NTRK2: variants seen among roughly 807,000 people sequenced by gnomAD.
NTRK2 encodes neurotrophic receptor tyrosine kinase 2.
In NTRK2, 13 loss-of-function variants were observed where a neutral mutation model predicts 94.5. That is an observed-to-expected ratio of 0.14 (90% CI 0.09 to 0.22). The LOEUF (loss-of-function observed/expected upper bound fraction) is 0.22. NTRK2 is among the 10% of genes least tolerant of loss of function. NTRK2 has a pLI of 1.00. For synonymous variants in NTRK2, 372 were observed against 407.4 expected, an observed-to-expected ratio of 0.91 and a Z score of 1.05; for missense variants, 639 against 1,071.2, an observed-to-expected ratio of 0.60 and a Z score of 5.63.
At chr9:84,675,879 T>C (rs1300806189) in intron 2 of NTRK2, among the ~76,000 whole-genome samples, 1 of 152,162 alleles carries the variant, frequency 6.6e-6, no homozygotes, top group Non-Finnish European at 1.5e-5. Flanking sequence ...CCCATATAAC[T>C]GGGTGCCTTC....
At chr9:84,703,133 A>T (rs886134502) in intron 4 of NTRK2, among the ~76,000 whole-genome samples, 1 of 152,192 alleles carries the variant, frequency 6.6e-6, no homozygotes, top group Non-Finnish European at 1.5e-5. Flanking sequence ...TAAGTGCAGA[A>T]TATTTATGCA....
chr9:84,898,605 T>C (rs2076831802), intron 14 of NTRK2, among the ~76,000 whole-genome samples: 2 of 152,172 alleles, frequency 1.3e-5, no homozygotes, highest in Non-Finnish European at 2.9e-5. Context: ...CCAGGGATTG[T>C]TGTGGCTCCT....
chr9:84,697,847 C>A (rs936440478), intron 2 of NTRK2, among the ~76,000 whole-genome samples: 2 of 152,184 alleles, frequency 1.3e-5, no homozygotes, highest in African/African-American at 4.8e-5. Flanking sequence ...TCCACTGAGT[C>A]ACTGAGAAAC....
At chr9:84,830,538 C>CGTGTGTGTGTGTGT (rs60042932) in intron 12 of NTRK2, among the ~76,000 whole-genome samples, 1 of 145,920 alleles carries the variant, frequency 6.9e-6, no homozygotes, top group African/African-American at 2.5e-5. Flanking sequence ...AGCATGCATG[C>CGTGTGTGTGTGTGT]GTGTGTGTGT....
intron 12 of NTRK2, among the ~76,000 whole-genome samples, chr9:84,768,029 G>A (rs1201116648): frequency 6.6e-6 from 1 of 152,128 alleles, no homozygotes; most frequent in South Asian, 2.1e-4. Context: ...GGAAAATAAG[G>A]GCTATAGTCT....
intron 13 of NTRK2, among the ~76,000 whole-genome samples, chr9:84,862,487 T>C (rs985652518): frequency 2.0e-5 from 3 of 152,206 alleles, no homozygotes; most frequent in African/African-American, 7.2e-5. Context: ...AGGGTGCTTG[T>C]TCCCGGAAAG....
At position 84,962,133 on chromosome 9, in the gene NTRK2, C is replaced by T. The variant is rs74971147; in HGVS notation, c.2172+6616C>T. 2.4e-3 allele frequency among the ~76,000 whole-genome samples: 367 copies of T among 152,284 alleles called. 1 individual carries two copies. Among genetic ancestry groups the T allele is most frequent in the African/African-American group, 8.4e-3 (347 of 41,554 alleles). The stretch of plus-strand genomic sequence containing the variant: ...TGAGAGATTCTACACTGGAAAATGA[C>T]ATATTAGATTGCATTCTGATATGTC... On this transcript the variant is annotated intron_variant, in intron 17 of 18. Coordinates refer to ENST00000277120, the MANE Select transcript of NTRK2 (RefSeq NM_006180.6).
chr9:84,915,286 T>C (rs534854751), intron 14 of NTRK2, among the ~76,000 whole-genome samples: 1 of 152,170 alleles, frequency 6.6e-6, no homozygotes, highest in East Asian at 1.9e-4. Context: ...CCCCACCAAG[T>C]CTCCTATTAA....
rs72737655 is a variant in NTRK2 at position 84,681,152 on chromosome 9, C to T, written c.212+10192C>T. On this transcript the variant is annotated intron_variant, in intron 2 of 18. Coordinates refer to ENST00000277120, the MANE Select transcript of NTRK2 (RefSeq NM_006180.6). ...CTAATGATGTCCTAATCTGTTTCCC[C>T]ATCAATTATCAGTGAAGACCTTTGG... Among the ~76,000 whole-genome samples, 1,319 of 152,272 alleles carry T rather than the reference C, an allele frequency of 8.7e-3. 15 individuals carry two copies. The highest frequency in any genetic ancestry group is 0.037 in the East Asian group (193 of 5,182).
intron 12 of NTRK2, among the ~76,000 whole-genome samples, chr9:84,802,113 T>C (rs1448744467): frequency 6.6e-6 from 1 of 152,242 alleles, no homozygotes; most frequent in African/African-American, 2.4e-5. Flanking sequence ...AAACATCTCT[T>C]AAAATAATGT....
At chr9:84,690,047 C>T (rs996222030) in intron 2 of NTRK2, among the ~76,000 whole-genome samples, 1 of 152,108 alleles carries the variant, frequency 6.6e-6, no homozygotes, top group Admixed American at 6.6e-5. Context: ...TGAAGTTTAA[C>T]TCCAAAGAAA....
intron 9 of NTRK2, among the ~76,000 whole-genome samples, chr9:84,729,805 T>C (rs540698490): frequency 1.3e-5 from 2 of 152,340 alleles, no homozygotes; most frequent in South Asian, 4.1e-4. Flanking sequence ...TCTGAGTCTT[T>C]TGATATCAAT....
intron 17 of NTRK2, among the ~76,000 whole-genome samples, chr9:84,960,651 T>A (rs1471455226): frequency 6.6e-6 from 1 of 152,204 alleles, no homozygotes; most frequent in Non-Finnish European, 1.5e-5. Flanking sequence ...AGGAGCAGCA[T>A]AAGAGGAGGT....
chr9:84,722,666 A>G (rs1216090310), intron 6 of NTRK2, among the ~76,000 whole-genome samples: 1 of 152,182 alleles, frequency 6.6e-6, no homozygotes. Context: ...GCCTACGTGT[A>G]AAAATTACCA....
intron 12 of NTRK2, among the ~76,000 whole-genome samples, chr9:84,817,782 A>G (rs2072522128): frequency 6.6e-6 from 1 of 152,246 alleles, no homozygotes. Context: ...ATGAATAACT[A>G]GATTATTCTT....
intron 14 of NTRK2, among the ~76,000 whole-genome samples, chr9:84,881,126 A>G (rs2076241009): frequency 6.6e-6 from 1 of 152,180 alleles, no homozygotes; most frequent in Non-Finnish European, 1.5e-5. Flanking sequence ...AGAGAATTTG[A>G]TGAGTCCTTT....
intron 17 of NTRK2, among the ~76,000 whole-genome samples, chr9:84,968,873 G>A (rs1825862467): frequency 6.6e-6 from 1 of 151,558 alleles, no homozygotes; most frequent in African/African-American, 2.4e-5. Context: ...TATTTGCAAG[G>A]ATGCTCTATT....
chr9:84,867,131 A>T, intron 13 of NTRK2, 112 bp from the exon 14 acceptor site: 2 of 1,000,864 alleles, frequency 2.0e-6, no homozygotes, highest in Non-Finnish European at 3.1e-6. Context: ...CTCTGTGAAT[A>T]TACTAAAACC....
intron 12 of NTRK2, among the ~76,000 whole-genome samples, chr9:84,824,449 T>C (rs2073053706): frequency 6.6e-6 from 1 of 152,146 alleles, no homozygotes; most frequent in South Asian, 2.1e-4. Context: ...CCTGGCAAAT[T>C]GGTATGTTGG....
Sources: allele counts gnomAD v4.1 joint callset (sites outside exome capture counted in the v4.1 genomes callset), GRCh38; gene constraint gnomAD v4.1.1; transcripts MANE v1.5; gene names NCBI Gene and HGNC (gene_info 2026-07-23, HGNC 2026-07-21).